CARS2: variants seen among roughly 807,000 people sequenced by gnomAD.
The protein encoded by CARS2 is probable cysteine--tRNA ligase, mitochondrial.
In CARS2, 52 loss-of-function variants were observed where a neutral mutation model predicts 68.8. That is an observed-to-expected ratio of 0.76 (90% CI 0.61 to 0.95). The LOEUF is 0.95. Ranked by LOEUF, CARS2 falls within the 40% of genes least tolerant of loss-of-function variation. The pLI is 0.00. For missense variants in CARS2, 780 were observed against 754.2 expected, an observed-to-expected ratio of 1.03 and a Z score of -0.40; for synonymous variants, 314 against 303.6, an observed-to-expected ratio of 1.03 and a Z score of -0.36.
chr13:110,712,362 G>C (rs960513808), intron 1 of CARS2: 1 of 164,562 alleles, frequency 6.1e-6, no homozygotes, highest in African/African-American at 2.4e-5. Context: ...GAGAAAAGCA[G>C]GCAGCCAAGC....
At chr13:110,706,472 A>C (rs1211681800), upstream of CARS2, 1 of 161,660 alleles carries the variant, frequency 6.2e-6, no homozygotes, top group African/African-American at 2.4e-5. Context: ...GAGCGTTTAC[A>C]GTGCAAGCTT....
chr13:110,647,225 C>CA lies in CARS2; in HGVS notation c.1068dup (p.Asp357Ter), dbSNP rs749680674. 1 of 1,612,956 alleles carries CA rather than the reference C, an allele frequency of 6.2e-7. No individual in the cohort carries two copies. Among genetic ancestry groups the CA allele is most frequent in the Non-Finnish European group, 8.5e-7 (1 of 1,179,622 alleles). On this transcript the variant is annotated frameshift_variant, in exon 11 of 15. Coordinates refer to ENST00000257347, the MANE Select transcript of CARS2 (RefSeq NM_024537.4). LOFTEE classifies it high-confidence loss of function. ...TGCTGAGCTTGGAGCATGGCGCTGT[C>CA]ACTGTAGTCGATGGCTGAGGAGGAA...
At chr13:110,706,201 G>T, upstream of CARS2, 1 of 803,624 alleles carries the variant, frequency 1.2e-6, no homozygotes, top group Non-Finnish European at 1.6e-6. Context: ...CGCCCTTGGG[G>T]CCACGCCCAC....
intron 13 of CARS2, chr13:110,642,793 A>G (rs1487658751): frequency 1.4e-6 from 1 of 699,032 alleles, no homozygotes; most frequent in East Asian, 2.7e-5. Context: ...TGGGGGCTGC[A>G]TGCCGCCCCG....
Position 110,645,981 on chromosome 13 carries a change from T to C in CARS2, c.1303A>G (p.Arg435Gly). ...CGTTGAGCTACCTTCAGGGACGCCC[T>C]GAGCTGTCCATTCCCGTGGTGTGCA... is the stretch of plus-strand genomic sequence containing the variant. ...GLAHHGNGQL[R>G]ASLKEPEGPR... Residue 435 changes from arginine to glycine, a missense_variant, in exon 12 of 15, where the codon AGG becomes GGG. By Grantham distance (125) the Arg-to-Gly change is moderately radical. Coordinates refer to ENST00000257347, the MANE Select transcript of CARS2 (RefSeq NM_024537.4). 1.2e-6 allele frequency: 2 copies of C among 1,612,598 alleles called. No homozygotes were observed. Among genetic ancestry groups the C allele is most frequent in the Non-Finnish European group, 1.7e-6 (2 of 1,178,968 alleles).
chr13:110,677,627 C>CT (rs544892193), intron 6 of CARS2, among the ~76,000 whole-genome samples: 17 of 33,502 alleles, frequency 5.1e-4, no homozygotes, highest in South Asian at 2.0e-3. Flanking sequence ...ACAGTCACCC[C>CT]ACCACAGAAA....
Position 110,647,186 on chromosome 13 carries a change from GC to G in CARS2, c.1107del (p.Leu370TrpfsTer12). 6.2e-7 allele frequency: 1 copy of G among 1,613,238 alleles called. No individual in the cohort carries two copies. ...AMLQAQQLLL[G>X]LGSFLEDARA... Reference sequence around the variant, plus strand: ...CGTGCGTCCTCCAGGAAAGAGCCCAGCCCCAGGAGCAGCTGCTGAGCTTGGA... The same window carrying G: ...CGTGCGTCCTCCAGGAAAGAGCCCAGCCCAGGAGCAGCTGCTGAGCTTGGA... On this transcript the variant is annotated frameshift_variant, in exon 11 of 15. Coordinates refer to ENST00000257347, the MANE Select transcript of CARS2 (RefSeq NM_024537.4). LOFTEE classifies it high-confidence loss of function.
chr13:110,647,763 G>GAGCCCAAAGT (rs1555343819), intron 10 of CARS2, among the ~76,000 whole-genome samples: 24 of 152,336 alleles, frequency 1.6e-4, no homozygotes, highest in Middle Eastern at 3.4e-3. Flanking sequence ...CCTGGATGAG[G>GAGCCCAAAGT]GGCCAGTGTT....
chr13:110,671,615 G>A (rs901479097), intron 7 of CARS2, among the ~76,000 whole-genome samples: 22 of 152,278 alleles, frequency 1.4e-4, no homozygotes, highest in African/African-American at 2.4e-4. Context: ...AAAACATGCC[G>A]AATTGTAAAG....
chr13:110,662,196 GTCGGGTTCGGACCCC>G (rs1246983539), intron 9 of CARS2, among the ~76,000 whole-genome samples: 6 of 97,536 alleles, frequency 6.2e-5, no homozygotes, highest in South Asian at 3.0e-4. Flanking sequence ...CAACCCCATG[GTCGGGTTCGGACCCC>G]CTCTGCGTCA....
chr13:110,642,571 A>G, intron 13 of CARS2, 50 bp from the exon 14 acceptor site: 3 of 1,375,080 alleles, frequency 2.2e-6, no homozygotes, highest in Non-Finnish European at 2.9e-6. Flanking sequence ...TGGATTGTGG[A>G]TGCCCCCTCC....
intron 9 of CARS2, among the ~76,000 whole-genome samples, chr13:110,658,083 A>G (rs1377293348): frequency 2.6e-5 from 4 of 152,240 alleles, no homozygotes. Context: ...TCAACAAGAC[A>G]AGTGGCTCAA....
At chr13:110,649,667 G>C (rs1325664463) in intron 10 of CARS2, among the ~76,000 whole-genome samples, 1 of 152,230 alleles carries the variant, frequency 6.6e-6, no homozygotes, top group South Asian at 2.1e-4. Context: ...GGACAAGAAG[G>C]GGGAGAGGGA....
intron 13 of CARS2, chr13:110,642,851 C>A: frequency 1.7e-6 from 1 of 577,880 alleles, no homozygotes; most frequent in Non-Finnish European, 3.3e-6. Flanking sequence ...GCAATTGTGG[C>A]CGAGGTATCA....
At position 110,641,609 on chromosome 13, in the gene CARS2, C is replaced by T; in HGVS notation, c.1624-1G>A. ...ACGTGGATGTTGTACTGCTTCTGTC[C>T]TGGAGAAGAAGAGTGAGGTCCAACT... On this transcript the variant is annotated splice_acceptor_variant, in intron 14 of 14. Transcript: ENST00000257347. LOFTEE classifies it high-confidence loss of function. The T allele has an allele frequency of 6.2e-7, 1 of 1,613,038 alleles. No individual in the cohort carries two copies. Among genetic ancestry groups the T allele is most frequent in the East Asian group, 2.2e-5 (1 of 44,874 alleles).
chr13:110,710,311 G>A (rs1284573072), upstream of CARS2, among the ~76,000 whole-genome samples: 5 of 152,126 alleles, frequency 3.3e-5, no homozygotes, highest in African/African-American at 1.2e-4. Flanking sequence ...GAACCCGGGA[G>A]GCGGAGGTTG....
At chr13:110,644,679 TC>T (rs1253519707) in intron 12 of CARS2, 196 bp from the exon 13 acceptor site, 5 of 913,872 alleles carry the variant, frequency 5.5e-6, no homozygotes, top group Non-Finnish European at 7.8e-6. Flanking sequence ...GCATGAGGAA[TC>T]TCTTGTGCCT....
intron 11 of CARS2, chr13:110,646,786 T>G (rs899014687): frequency 2.3e-5 from 7 of 298,088 alleles, no homozygotes; most frequent in Admixed American, 4.9e-5. Context: ...GCCGTCTCCC[T>G]GGGATGTCTC....
At chr13:110,696,253 T>C (rs950927433) in intron 3 of CARS2, among the ~76,000 whole-genome samples, 1 of 150,806 alleles carries the variant, frequency 6.6e-6, no homozygotes, top group Non-Finnish European at 1.5e-5. Context: ...GTCTTTATAG[T>C]AGAATGATTT....
Sources: allele counts gnomAD v4.1 joint callset (sites outside exome capture counted in the v4.1 genomes callset), GRCh38; gene constraint gnomAD v4.1.1; transcripts MANE v1.5; gene names NCBI Gene and HGNC (gene_info 2026-07-23, HGNC 2026-07-21).